Variants in CCDC93 observed in about 807,000 individuals in gnomAD.
CCDC93 encodes the protein coiled-coil domain-containing protein 93.
CCDC93 carries 61 observed loss-of-function variants against 108.2 expected under a neutral mutation model. That is an observed-to-expected ratio of 0.56 (90% CI 0.46 to 0.70). The LOEUF (loss-of-function observed/expected upper bound fraction) is 0.70. CCDC93 is among the 30% of genes least tolerant of loss of function. The probability of loss-of-function intolerance (pLI) is 0.00; values close to 1 mark genes in which losing one functional copy is unlikely to be tolerated. For missense variants in CCDC93, 685 were observed against 764.2 expected (o/e 0.90, Z 1.22); for synonymous variants, 276 against 260.4 (o/e 1.06, Z -0.58).
At chr2:117,968,189 T>C (rs1242312672) in intron 11 of CCDC93, among the ~76,000 whole-genome samples, 1 of 152,196 alleles carries the variant, frequency 6.6e-6, no homozygotes, top group Non-Finnish European at 1.5e-5. Flanking sequence ...TTAGGGAAAG[T>C]CCCTTCCTGC....
chr2:118,003,847 A>G (rs1341037711), intron 3 of CCDC93, among the ~76,000 whole-genome samples: 1 of 152,158 alleles, frequency 6.6e-6, no homozygotes, highest in African/African-American at 2.4e-5. Flanking sequence ...AGGGAAAGAA[A>G]GTGAGAAAGA....
In CCDC93 at chr2:117,935,510, C is replaced by T. The variant is rs147943059; in HGVS notation, c.1713G>A (p.Lys571=). 3.1e-6 allele frequency: 5 copies of T among 1,613,532 alleles called. No homozygotes were observed. The highest frequency in any genetic ancestry group is 2.5e-6 in the Non-Finnish European group (3 of 1,179,514). Residue 571 remains lysine (K), a synonymous_variant, in exon 22 of 24, where the codon AAG becomes AAA. Transcript: ENST00000376300. ...GCCATCTGACCTTCATTCTACTTTG[C>T]TTAATTCCTTCCACAATCTGTTCCA... ...RQMEQIVEGI[K]QSRMKMEKKK... is the part of the protein sequence containing the mutation.
At chr2:117,944,151 TG>T in intron 17 of CCDC93, 65 bp from the exon 18 acceptor site, 1 of 1,157,612 alleles carries the variant, frequency 8.6e-7, no homozygotes, top group Admixed American at 2.3e-5. Flanking sequence ...ATGGAGTCTT[TG>T]AAAGTTGAAT....
intron 3 of CCDC93, 139 bp from the exon 4 acceptor site, chr2:118,001,071 G>A: frequency 1.7e-6 from 1 of 590,514 alleles, no homozygotes; most frequent in Middle Eastern, 2.7e-4. Flanking sequence ...GTTTCTCCTA[G>A]ATGACTGCAA....
chr2:117,966,580 T>G (rs1380023772), intron 11 of CCDC93, among the ~76,000 whole-genome samples: 1 of 152,262 alleles, frequency 6.6e-6, no homozygotes, highest in African/African-American at 2.4e-5. Context: ...CAGTCTTCTC[T>G]GCTGATTGCA....
chr2:117,986,158 C>CTATTT, intron 6 of CCDC93, 89 bp from the exon 7 acceptor site: 2 of 350,874 alleles, frequency 5.7e-6, no homozygotes, highest in Non-Finnish European at 4.9e-6. Flanking sequence ...GGGGTATATT[C>CTATTT]TCTTTTTTTT....
intron 1 of CCDC93, among the ~76,000 whole-genome samples, chr2:118,013,481 G>A (rs1677075266): frequency 6.6e-6 from 1 of 152,068 alleles, no homozygotes; most frequent in South Asian, 2.1e-4. Flanking sequence ...CGGGTGGGGC[G>A]GGCCGCCGGG....
At chr2:118,001,812 G>A (rs1006591620) in intron 3 of CCDC93, among the ~76,000 whole-genome samples, 10 of 152,322 alleles carry the variant, frequency 6.6e-5, no homozygotes, top group African/African-American at 2.4e-4. Context: ...TTTTATTGCA[G>A]CCTGAAACCT....
chr2:117,971,773 A>G, intron 11 of CCDC93, among the ~76,000 whole-genome samples: 1 of 152,246 alleles, frequency 6.6e-6, no homozygotes, highest in East Asian at 1.9e-4. Context: ...GATGATTACA[A>G]CTATACACAA....
chr2:117,992,490 C>T (rs1680503707), intron 6 of CCDC93, among the ~76,000 whole-genome samples: 1 of 152,120 alleles, frequency 6.6e-6, no homozygotes, highest in Non-Finnish European at 1.5e-5. Flanking sequence ...GCGATCTGCC[C>T]ACCTCGGCCT....
Position 117,920,403 on chromosome 2 carries a change from G to A in CCDC93, c.1843-7C>T. On this transcript the variant is annotated splice_polypyrimidine_tract_variant and splice_region_variant and intron_variant, in intron 23 of 23. Coordinates refer to ENST00000376300, the MANE Select transcript of CCDC93 (RefSeq NM_019044.5). ...TCTCGTTCTTGCGGCCCTCCTGGAG[G>A]GAAAGCAGAGAGTATAGAGAGAGTG... is the stretch of plus-strand genomic sequence containing the variant. 1 of 1,610,176 alleles carries A rather than the reference G, an allele frequency of 6.2e-7. No homozygotes were observed. Among genetic ancestry groups the A allele is most frequent in the Non-Finnish European group, 8.5e-7 (1 of 1,176,866 alleles).
At chr2:118,008,431 G>A (rs1427200399) in intron 2 of CCDC93, 114 bp downstream of exon 2, 1 of 673,258 alleles carries the variant, frequency 1.5e-6, no homozygotes, top group Non-Finnish European at 2.6e-6. Context: ...AGGAAGAAAT[G>A]GAAACACAGA....
chr2:117,999,853 GTAT>G (rs1328114973), intron 4 of CCDC93: 4 of 151,728 alleles, frequency 2.6e-5, no homozygotes, highest in African/African-American at 9.7e-5. Flanking sequence ...TTTTATTGTT[GTAT>G]TGTTATTTTT....
intron 8 of CCDC93, among the ~76,000 whole-genome samples, chr2:117,976,714 G>C (rs1305326662): frequency 1.3e-5 from 2 of 152,158 alleles, no homozygotes; most frequent in African/African-American, 4.8e-5. Context: ...TCAGCGAATA[G>C]AGGAGCTGGA....
In CCDC93 at chr2:117,971,893, T is replaced by A. The variant is rs937820541; in HGVS notation, c.888+2015A>T. Among the ~76,000 whole-genome samples, 3 of 152,252 alleles carry A rather than the reference T, an allele frequency of 2.0e-5. No homozygotes were observed. In the East Asian group the frequency reaches 5.8e-4, roughly 29 times the overall value. ...AATTTTGAAAAACCATCAGCTTTAA[T>A]GCTATACTACCTACCCAATGAAAAC... On this transcript the variant is annotated intron_variant, in intron 11 of 23. Coordinates refer to ENST00000376300, the MANE Select transcript of CCDC93 (RefSeq NM_019044.5).
At chr2:117,986,718 T>A (rs983475244) in intron 6 of CCDC93, among the ~76,000 whole-genome samples, 1 of 152,134 alleles carries the variant, frequency 6.6e-6, no homozygotes, top group African/African-American at 2.4e-5. Context: ...CTGTAACACA[T>A]ACGATATAAT....
chr2:117,997,338 C>A (rs1208643418), intron 4 of CCDC93: 1 of 152,264 alleles, frequency 6.6e-6, no homozygotes, highest in Non-Finnish European at 1.5e-5. Context: ...TCCTCCCCGG[C>A]TCTTCATTCA....
At chr2:117,990,604 G>A (rs1261507474) in intron 6 of CCDC93, among the ~76,000 whole-genome samples, 1 of 147,304 alleles carries the variant, frequency 6.8e-6, no homozygotes, top group African/African-American at 2.5e-5. Context: ...ATTTAGCTAT[G>A]AGGATGTCCT....
Position 117,986,041 on chromosome 2 carries a change from T to C in CCDC93, c.548A>G (p.Lys183Arg), listed in dbSNP as rs770482744. 6 of 1,613,304 alleles carry C rather than the reference T, an allele frequency of 3.7e-6. No individual in the cohort carries two copies. Among genetic ancestry groups the C allele is most frequent in the East Asian group, 4.5e-5 (2 of 44,886 alleles). The change falls in exon 7 of 24, where the codon AAA (lysine) becomes AGA (arginine). Residue 183 changes from lysine to arginine, a missense_variant. Lys to Arg is a conservative substitution (Grantham distance 26). Coordinates refer to ENST00000376300, the MANE Select transcript of CCDC93 (RefSeq NM_019044.5). ...SEVYKPRRKY[K>R]RHQGAEELLD... The stretch of plus-strand genomic sequence containing the variant: ...TAGCTCCTCTGCTCCCTGGTGGCGT[T>C]TGTATTTCCGACGGGGCTTGTACAC...
Sources: gnomAD v4.1 joint callset for allele counts (sites outside exome capture counted in the v4.1 genomes callset) on GRCh38, gnomAD v4.1.1 for gene constraint, MANE v1.5 for transcripts, NCBI Gene and HGNC (gene_info 2026-07-23, HGNC 2026-07-21) for gene names.